Variants in PCDHGA1 observed in about 807,000 individuals in gnomAD.
PCDHGA1 encodes the protein protocadherin gamma-A1.
In PCDHGA1, 32 loss-of-function variants were observed where a neutral mutation model predicts 58.0. That is an observed-to-expected ratio of 0.55 (90% CI 0.42 to 0.74). The LOEUF (loss-of-function observed/expected upper bound fraction) is 0.74, where lower values mean the gene tolerates loss of function less well. PCDHGA1 is among the 30% of genes least tolerant of loss of function. The probability of loss-of-function intolerance (pLI) is 0.00; values close to 1 mark genes in which losing one functional copy is unlikely to be tolerated. For missense variants in PCDHGA1, 1,205 were observed against 1,182.3 expected (o/e 1.02, Z -0.28); for synonymous variants, 498 against 501.1 (o/e 0.99, Z 0.08).
In PCDHGA1 at chr5:141,431,463, C is replaced by T. The variant is rs139195027; in HGVS notation, c.2422-63344C>T. Reference sequence around the variant, plus strand: ...CGCATCCGCGTGATGGTTCTGGATGCGAACGACAACGCACCAGCGTTTGCT... The same window carrying T: ...CGCATCCGCGTGATGGTTCTGGATGTGAACGACAACGCACCAGCGTTTGCT... On this transcript the variant is annotated intron_variant, in intron 1 of 3. Transcript: ENST00000517417. The surrounding 1 kb of genome is among the most constrained non-coding windows in gnomAD (Gnocchi z 4.8). The T allele has an allele frequency of 3.5e-3, 5,640 of 1,613,740 alleles. 51 individuals are homozygous for T. Among genetic ancestry groups the T allele is most frequent in the South Asian group, 0.02 (1,825 of 91,088 alleles).
chr5:141,463,910 A>G (rs2099071862), intron 1 of PCDHGA1, among the ~76,000 whole-genome samples: 1 of 152,178 alleles, frequency 6.6e-6, no homozygotes, highest in Admixed American at 6.5e-5. Flanking sequence ...CTAATAATAT[A>G]TCCTGGAAAT....
chr5:141,477,180 C>T lies in PCDHGA1; in HGVS notation c.2422-17627C>T. On this transcript the variant is annotated intron_variant, in intron 1 of 3. Coordinates refer to ENST00000517417, the MANE Select transcript of PCDHGA1 (RefSeq NM_018912.3). This position sits in a 1 kb window ranked among gnomAD's most constrained non-coding sequence, Gnocchi z 4.9. ...GACAACGCCCCGGAGATCACAGTCA[C>T]CTCCGTGTACAGCCCAGTACCCGAG... 1 of 1,614,196 alleles carries T rather than the reference C, an allele frequency of 6.2e-7. No homozygotes were observed. The highest frequency in any genetic ancestry group is 8.5e-7 in the Non-Finnish European group (1 of 1,180,032).
rs765185360 is a variant in PCDHGA1, at chr5:141,491,451, C to T, written c.2422-3356C>T. 1.2e-6 allele frequency: 2 copies of T among 1,614,112 alleles called. No individual in the cohort carries two copies. The highest frequency in any genetic ancestry group is 1.1e-5 in the South Asian group (1 of 91,082). On this transcript the variant is annotated intron_variant, in intron 1 of 3. Coordinates refer to ENST00000517417, the MANE Select transcript of PCDHGA1 (RefSeq NM_018912.3). This position sits in a 1 kb window ranked among gnomAD's most constrained non-coding sequence, Gnocchi z 6.9. ...AGTGCTGCAGGCGCCAGGACTCACC[C>T]TCCCCGGACTTCTATAAGCAGTCCA...
chr5:141,340,391 G>A (rs997034063), intron 1 of PCDHGA1: 5 of 1,614,034 alleles, frequency 3.1e-6, no homozygotes, highest in Non-Finnish European at 4.2e-6. Flanking sequence ...TGTCTTCTCA[G>A]TGACGGCCCA....
chr5:141,477,301 C>T lies in PCDHGA1; in HGVS notation c.2422-17506C>T, dbSNP rs756549446. The T allele has an allele frequency of 6.2e-7, 1 of 1,614,160 alleles. No homozygotes were observed. Among genetic ancestry groups the T allele is most frequent in the East Asian group, 2.2e-5 (1 of 44,872 alleles). Reference sequence around the variant, plus strand: ...TGACCTGCGAAGTTCCACCGGGTCTCCCTTTCAGCCTTACTTCTTCCCTCA... The same window carrying T: ...TGACCTGCGAAGTTCCACCGGGTCTTCCTTTCAGCCTTACTTCTTCCCTCA... On this transcript the variant is annotated intron_variant, in intron 1 of 3. Coordinates refer to ENST00000517417, the MANE Select transcript of PCDHGA1 (RefSeq NM_018912.3). The surrounding 1 kb of genome is among the most constrained non-coding windows in gnomAD (Gnocchi z 4.9).
In PCDHGA1 at chr5:141,491,652, G is replaced by A. The variant is rs370043428; in HGVS notation, c.2422-3155G>A. ...AGCAGCCCACAGCTCTGGCGCTGGAGCCTGACGCCATCCGGTCCCGCTCTA... is the reference window on the plus strand; with the variant it reads ...AGCAGCCCACAGCTCTGGCGCTGGAACCTGACGCCATCCGGTCCCGCTCTA... On this transcript the variant is annotated intron_variant, in intron 1 of 3. Transcript: ENST00000517417. This position sits in a 1 kb window ranked among gnomAD's most constrained non-coding sequence, Gnocchi z 6.9. 2 of 1,613,726 alleles carry A rather than the reference G, an allele frequency of 1.2e-6. No homozygotes were observed. Among genetic ancestry groups the A allele is most frequent in the African/African-American group, 1.3e-5 (1 of 74,944 alleles).
intron 1 of PCDHGA1, chr5:141,423,850 A>G: frequency 1.6e-6 from 2 of 1,278,674 alleles, no homozygotes; most frequent in East Asian, 3.1e-5. Flanking sequence ...ATCTTTCAGA[A>G]CGTTTTTGTG....
At chr5:141,397,871 C>G (rs2093579938) in intron 1 of PCDHGA1, 6 of 574,628 alleles carry the variant, frequency 1.0e-5, no homozygotes, top group Non-Finnish European at 1.8e-5. Flanking sequence ...AGTGCTGACT[C>G]TGGGCGCCGC....
chr5:141,409,912 C>T (rs775668669), intron 1 of PCDHGA1: 5 of 1,613,180 alleles, frequency 3.1e-6, no homozygotes, highest in Non-Finnish European at 2.5e-6. Context: ...TGGGTCCTGA[C>T]GGCTCCGCGT....
intron 1 of PCDHGA1, chr5:141,415,450 C>T (rs774745130): frequency 1.9e-6 from 3 of 1,614,202 alleles, no homozygotes; most frequent in Non-Finnish European, 2.5e-6. Flanking sequence ...GACCTATTCC[C>T]ACGAGGTCTC....
Position 141,366,924 on chromosome 5 carries a change from G to C in PCDHGA1, c.2421+33819G>C, listed in dbSNP as rs1764867617. On this transcript the variant is annotated intron_variant, in intron 1 of 3. Coordinates refer to ENST00000517417, the MANE Select transcript of PCDHGA1 (RefSeq NM_018912.3). ...CTTTCTCCATTTGTTTTCAAATTCT[G>C]TTTTGGGAAGTCTAGCTGATATCTG... is the stretch of plus-strand genomic sequence containing the variant. 5 of 997,638 alleles carry C rather than the reference G, an allele frequency of 5.0e-6. No homozygotes were observed. In the East Asian group the frequency reaches 1.3e-4, roughly 27 times the overall value. 61.8% of individuals were successfully genotyped at this position (997,638 alleles called of 1,614,324 possible).
At chr5:141,392,668 C>T in intron 1 of PCDHGA1, 2 of 849,812 alleles carry the variant, frequency 2.4e-6, no homozygotes, top group Admixed American at 3.2e-5. Flanking sequence ...CACAAACTAA[C>T]TGCTGGACTG....
Position 141,421,812 on chromosome 5 carries a change from A to G in PCDHGA1, c.2422-72995A>G, listed in dbSNP as rs779804436. On this transcript the variant is annotated intron_variant, in intron 1 of 3. Transcript: ENST00000517417. ...CGGATGGGGCCAAGAATCCAGAGCTAGTACTGGAGGGAAGCCTGGACCGAG... is the reference window on the plus strand; with the variant it reads ...CGGATGGGGCCAAGAATCCAGAGCTGGTACTGGAGGGAAGCCTGGACCGAG... 9.9e-6 allele frequency: 16 copies of G among 1,613,704 alleles called. 1 individual carries two copies. In the South Asian group the frequency reaches 1.5e-4, roughly 16 times the overall value.
intron 1 of PCDHGA1, chr5:141,344,768 T>C (rs769471310): frequency 6.2e-7 from 1 of 1,613,862 alleles, no homozygotes; most frequent in Non-Finnish European, 8.5e-7. Flanking sequence ...TTACTCAGCC[T>C]GAGTACCGTG....
At chr5:141,344,249 G>A (rs766061974) in intron 1 of PCDHGA1, 4 of 1,613,930 alleles carry the variant, frequency 2.5e-6, no homozygotes, top group East Asian at 4.5e-5. Context: ...GAGGTAGGAC[G>A]CAGCTTTTCT....
At chr5:141,380,024 C>T (rs1326280237) in intron 1 of PCDHGA1, among the ~76,000 whole-genome samples, 1 of 150,698 alleles carries the variant, frequency 6.6e-6, no homozygotes, top group Non-Finnish European at 1.5e-5. Flanking sequence ...CTCAGCCTCC[C>T]AAGTAGCTGG....
chr5:141,371,971 G>C, intron 1 of PCDHGA1: 1 of 1,612,438 alleles, frequency 6.2e-7, no homozygotes, highest in Non-Finnish European at 8.5e-7. Flanking sequence ...GAGCAGCTGC[G>C]TGCCTTCGAG....
intron 1 of PCDHGA1, chr5:141,415,066 C>G: frequency 6.2e-7 from 1 of 1,613,410 alleles, no homozygotes; most frequent in Non-Finnish European, 8.5e-7. Context: ...GGGCGAGGTG[C>G]GCACGGCGCG....
chr5:141,367,277 G>T (rs1319740168), intron 1 of PCDHGA1: 2 of 153,324 alleles, frequency 1.3e-5, no homozygotes, highest in African/African-American at 4.8e-5. Context: ...GGTGGCTGAC[G>T]CCTGTAATCC....
Sources: gnomAD v4.1 joint callset for allele counts (sites outside exome capture counted in the v4.1 genomes callset) on GRCh38, gnomAD v4.1.1 for gene constraint, Gnocchi (gnomAD v3.1) non-coding constraint, MANE v1.5 for transcripts, NCBI Gene and HGNC (gene_info 2026-07-23, HGNC 2026-07-21) for gene names.